The following EYS variants were observed in gnomAD, a reference collection of about 807,000 sequenced individuals.
EYS encodes the protein EGF-like photoreceptor maintenance factor, also known as protein eyes shut homolog.
Under a neutral mutation model 282.1 loss-of-function variants are expected in EYS, and 250 were observed. That is an observed-to-expected ratio of 0.89 (90% CI 0.80 to 0.98). EYS has a LOEUF of 0.98. EYS is among the 50% of genes least tolerant of loss of function. The probability of loss-of-function intolerance (pLI) is 0.00; values close to 1 mark genes in which losing one functional copy is unlikely to be tolerated. For missense variants in EYS, 4,016 were observed against 3,709.0 expected, an observed-to-expected ratio of 1.08 and a Z score of -2.15; for synonymous variants, 1,355 against 1,282.9, an observed-to-expected ratio of 1.06 and a Z score of -1.20.
intron 29 of EYS, among the ~76,000 whole-genome samples, chr6:64,320,725 T>A (rs2150384091): frequency 6.6e-6 from 1 of 151,850 alleles, no homozygotes; most frequent in Admixed American, 6.6e-5. Context: ...TCCCACAAAT[T>A]TTTTCCATAT....
At chr6:65,042,990 G>T (rs1360465652) in intron 13 of EYS, among the ~76,000 whole-genome samples, 1 of 151,372 alleles carries the variant, frequency 6.6e-6, no homozygotes, top group Non-Finnish European at 1.5e-5. Flanking sequence ...TTTCCTGAGG[G>T]TCATGTGAAA....
At chr6:64,271,107 ATTAC>A (rs1294564608) in intron 30 of EYS, among the ~76,000 whole-genome samples, 1 of 152,226 alleles carries the variant, frequency 6.6e-6, no homozygotes, top group African/African-American at 2.4e-5. Context: ...GTTATGAACA[ATTAC>A]TTTATAAACA....
intron 19 of EYS, among the ~76,000 whole-genome samples, chr6:64,864,385 CTTTTTTT>C (rs769240399): frequency 5.4e-4 from 31 of 57,196 alleles, no homozygotes; most frequent in African/African-American, 1.5e-3. Flanking sequence ...GCTATACCTT[CTTTTTTT>C]TTTTTTTTTT....
At chr6:65,162,029 A>T (rs933358735) in intron 12 of EYS, among the ~76,000 whole-genome samples, 1 of 151,316 alleles carries the variant, frequency 6.6e-6, no homozygotes. Context: ...GTTAACTATT[A>T]AACATCTGAA....
At chr6:64,492,232 T>C (rs531183528) in intron 26 of EYS, among the ~76,000 whole-genome samples, 1 of 151,324 alleles carries the variant, frequency 6.6e-6, no homozygotes, top group African/African-American at 2.4e-5. Context: ...AGTTCATAAA[T>C]ATAATTAAAT....
At chr6:63,843,244 G>A (rs1772010968) in intron 36 of EYS, among the ~76,000 whole-genome samples, 1 of 152,174 alleles carries the variant, frequency 6.6e-6, no homozygotes, top group Admixed American at 6.5e-5. Context: ...CCATGAGCAT[G>A]GAACGTTTTT....
intron 31 of EYS, among the ~76,000 whole-genome samples, chr6:64,117,105 T>A (rs1239091400): frequency 6.6e-6 from 1 of 152,036 alleles, no homozygotes; most frequent in African/African-American, 2.4e-5. Context: ...ATACAACAGT[T>A]GAACAAAGCA....
chr6:65,564,795 A>T (rs1339385768), intron 2 of EYS, among the ~76,000 whole-genome samples: 1 of 152,152 alleles, frequency 6.6e-6, no homozygotes, highest in Non-Finnish European at 1.5e-5. Context: ...ATTAAACTAA[A>T]GAGCTTCTGC....
rs1379604341 is a variant in EYS, at chr6:64,921,012, T to C, written c.2382-8269A>G. Among the ~76,000 whole-genome samples, 3 of 152,112 alleles carry C rather than the reference T, an allele frequency of 2.0e-5. No individual in the cohort carries two copies. In the East Asian group the frequency reaches 5.8e-4, roughly 29 times the overall value. On this transcript the variant is annotated intron_variant, in intron 15 of 42. Coordinates refer to ENST00000503581, the MANE Select transcript of EYS (RefSeq NM_001142800.2). ...AACTGAGCTAGCAAAAGCCAAAGGA[T>C]TTTTATGCATATGGAAATATTACAA...
chr6:65,557,423 C>T (rs1450753731), intron 2 of EYS, among the ~76,000 whole-genome samples: 1 of 152,194 alleles, frequency 6.6e-6, no homozygotes, highest in Non-Finnish European at 1.5e-5. Flanking sequence ...TTGTGTGAGG[C>T]TAAAGCTGGA....
chr6:64,256,156 T>C (rs2057165), intron 30 of EYS, among the ~76,000 whole-genome samples: 1 of 151,846 alleles, frequency 6.6e-6, no homozygotes, highest in Admixed American at 6.6e-5. Context: ...AGAATTTAAA[T>C]TGAGTATCTG....
intron 29 of EYS, among the ~76,000 whole-genome samples, chr6:64,364,959 T>C (rs1213111609): frequency 6.6e-6 from 1 of 152,012 alleles, no homozygotes; most frequent in Non-Finnish European, 1.5e-5. Flanking sequence ...GAATTTTTAT[T>C]GTTCTTATAA....
intron 31 of EYS, among the ~76,000 whole-genome samples, chr6:64,122,943 A>T (rs1250180292): frequency 1.3e-5 from 2 of 152,108 alleles, no homozygotes; most frequent in African/African-American, 4.8e-5. Flanking sequence ...CAGTGTTATC[A>T]GTGAATATTT....
At chr6:64,148,973 T>G (rs1311463732) in intron 31 of EYS, among the ~76,000 whole-genome samples, 1 of 152,228 alleles carries the variant, frequency 6.6e-6, no homozygotes, top group Non-Finnish European at 1.5e-5. Context: ...AGCCTCGATA[T>G]TAGAATTCAT....
At chr6:63,946,023 C>T (rs535986101) in intron 35 of EYS, among the ~76,000 whole-genome samples, 1 of 152,220 alleles carries the variant, frequency 6.6e-6, no homozygotes, top group African/African-American at 2.4e-5. Context: ...ATGATTACTG[C>T]CACTAAACGC....
At chr6:64,111,143 T>C (rs1035708726) in intron 31 of EYS, among the ~76,000 whole-genome samples, 3 of 152,100 alleles carry the variant, frequency 2.0e-5, no homozygotes, top group Non-Finnish European at 4.4e-5. Flanking sequence ...AGGGGGAATA[T>C]GATCTGAGTT....
chr6:65,354,714 G>A (rs1041632705), intron 8 of EYS, among the ~76,000 whole-genome samples: 1 of 152,056 alleles, frequency 6.6e-6, no homozygotes, highest in African/African-American at 2.4e-5. Context: ...CTACTCTGGA[G>A]ACTGAGGCAG....
At chr6:65,535,841 C>A (rs1336647557) in intron 2 of EYS, among the ~76,000 whole-genome samples, 1 of 151,988 alleles carries the variant, frequency 6.6e-6, no homozygotes, top group African/African-American at 2.4e-5. Context: ...CAGAAACACC[C>A]AGAATAATGT....
chr6:63,857,590 T>G (rs563283381), intron 36 of EYS: 1 of 350,350 alleles, frequency 2.9e-6, no homozygotes, highest in African/African-American at 2.1e-5. Context: ...GGGTGCTCCA[T>G]GACCACCGTG....
Sources: gnomAD v4.1 joint callset for allele counts (sites outside exome capture counted in the v4.1 genomes callset) on GRCh38, gnomAD v4.1.1 for gene constraint, MANE v1.5 for transcripts, NCBI Gene and HGNC (gene_info 2026-07-23, HGNC 2026-07-21) for gene names.